Variants in HNRNPD observed in about 807,000 individuals in gnomAD.
The protein encoded by HNRNPD is heterogeneous nuclear ribonucleoprotein D0.
HNRNPD carries 3 observed loss-of-function variants against 47.9 expected under a neutral mutation model. The observed-to-expected ratio is 0.06, with a 90% CI of 0.03 to 0.16. The LOEUF is 0.16. Ranked by LOEUF, HNRNPD falls within the 10% of genes least tolerant of loss-of-function variation. The pLI is 1.00. For synonymous variants in HNRNPD, 171 were observed against 165.1 expected, an observed-to-expected ratio of 1.04 and a Z score of -0.28; for missense variants, 287 against 454.2, an observed-to-expected ratio of 0.63 and a Z score of 3.35.
rs1337842457 is a variant in HNRNPD at position 82,373,565 on chromosome 4, C to CGCT, written c.111_113dup (p.Ala41dup). 5.9e-6 allele frequency: 9 copies of CGCT among 1,537,746 alleles called. No individual in the cohort carries two copies. The highest frequency in any genetic ancestry group is 1.4e-5 in the African/African-American group (1 of 71,444). ...TCCCGGCTCCGCTTCCCGCCGCCGCCGCTGCCCCCTGTGTCGCCGCCACCA... is the reference window on the plus strand; with the variant it reads ...TCCCGGCTCCGCTTCCCGCCGCCGCCGCTGCTGCCCCCTGTGTCGCCGCCACCA... On this transcript the variant is annotated inframe_insertion, in exon 1 of 9. Transcript: ENST00000313899.
chr4:82,356,451 G>A, intron 7 of HNRNPD, 86 bp downstream of exon 7: 1 of 1,084,836 alleles, frequency 9.2e-7, no homozygotes, highest in African/African-American at 1.6e-5. Flanking sequence ...TTTGCACTTG[G>A]CAAGGCTACA....
intron 7 of HNRNPD, chr4:82,355,886 A>T (rs966093073): frequency 6.4e-6 from 1 of 155,668 alleles, no homozygotes; most frequent in Admixed American, 6.4e-5. Context: ...TAACTCCAAG[A>T]ACTGGTCTAA....
intron 2 of HNRNPD, among the ~76,000 whole-genome samples, chr4:82,363,032 A>ATATGTGTGTG (rs1553895786): frequency 2.0e-5 from 3 of 148,932 alleles, no homozygotes; most frequent in African/African-American, 7.5e-5. Flanking sequence ...TTATATATAT[A>ATATGTGTGTG]TGTGTGTGTG....
intron 2 of HNRNPD, among the ~76,000 whole-genome samples, chr4:82,365,224 C>A (rs1009530753): frequency 6.6e-6 from 1 of 152,124 alleles, no homozygotes; most frequent in African/African-American, 2.4e-5. Flanking sequence ...TATGATCTTA[C>A]ATACATGGCT....
At position 82,358,692 on chromosome 4, in the gene HNRNPD, C is replaced by T. The variant is rs1225411316; in HGVS notation, c.588G>A (p.Glu196=). The T allele has an allele frequency of 1.9e-6, 3 of 1,611,198 alleles. No homozygotes were observed. The Admixed American group carries it at 5.0e-5, about 27-fold the overall frequency. Residue 196 remains glutamate, a synonymous_variant, in exon 4 of 9, where the codon GAG becomes GAA. Transcript: ENST00000313899. Reference sequence around the variant, plus strand: ...AACCACCAAAGTACTCCCTTATTTTCTCTTCAGGTGTATCTGGAGAAAGGC... The same window carrying T: ...AACCACCAAAGTACTCCCTTATTTTTTCTTCAGGTGTATCTGGAGAAAGGC... ...VGGLSPDTPE[E]KIREYFGGFG...
rs1723611540 is a variant in HNRNPD at position 82,353,882 on chromosome 4, C to T, written c.*303G>A. Reference sequence around the variant, plus strand: ...CCAGTAAGACACTACTACATCATGACACTGTCACACTGGGCTTTTAACACA... The same window carrying T: ...CCAGTAAGACACTACTACATCATGATACTGTCACACTGGGCTTTTAACACA... On this transcript the variant is annotated 3_prime_UTR_variant, in exon 9 of 9. Transcript: ENST00000313899. 6.6e-6 allele frequency: 1 copy of T among 152,632 alleles called. No homozygotes were observed. Among genetic ancestry groups the T allele is most frequent in the South Asian group, 2.1e-4 (1 of 4,826 alleles). 9.5% of individuals were successfully genotyped at this position (152,632 alleles called of 1,614,324 possible).
At position 82,365,759 on chromosome 4, in the gene HNRNPD, G is replaced by A. The variant is rs891028864; in HGVS notation, c.290+5769C>T. Reference sequence around the variant, plus strand: ...AGCTGAGACTATGGGTGCACACCACGAGGCCCAGCTAATTTTTTTTTTTTT... The same window carrying A: ...AGCTGAGACTATGGGTGCACACCACAAGGCCCAGCTAATTTTTTTTTTTTT... On this transcript the variant is annotated intron_variant, in intron 2 of 8. Transcript: ENST00000313899. 8.7e-5 allele frequency among the ~76,000 whole-genome samples: 13 copies of A among 150,010 alleles called. No homozygotes were observed. The South Asian group carries it at 2.1e-3, about 24-fold the overall frequency.
Position 82,356,648 on chromosome 4 carries a change from A to C in HNRNPD, c.889T>G (p.Tyr297Asp). The stretch of plus-strand genomic sequence containing the variant: ...TAGTTGCCATAGCCTTGATTCCAAT[A>C]GTTACTATATCCCTGGTTCCAGTTT... ...SQNWNQGYSN[Y>D]WNQGYGNYGY... The change falls in exon 7 of 9, where the codon TAT becomes GAT. Residue 297 changes from tyrosine to aspartate, a missense_variant. Tyr to Asp is a radical substitution (Grantham distance 160). Coordinates refer to ENST00000313899, the MANE Select transcript of HNRNPD (RefSeq NM_031370.3). 1 of 1,612,936 alleles carries C rather than the reference A, an allele frequency of 6.2e-7. No individual in the cohort carries two copies. The highest frequency in any genetic ancestry group is 8.5e-7 in the Non-Finnish European group (1 of 1,179,976).
In HNRNPD at chr4:82,373,608, C is replaced by G; in HGVS notation, c.71G>C (p.Gly24Ala). 1.3e-6 allele frequency: 2 copies of G among 1,529,292 alleles called. No homozygotes were observed. Among genetic ancestry groups the G allele is most frequent in the Non-Finnish European group, 1.7e-6 (2 of 1,143,250 alleles). 94.7% of individuals were successfully genotyped at this position (1,529,292 alleles called of 1,614,324 possible). A position where few individuals can be genotyped will look rare whatever the true frequency, so the allele number is the denominator to read the frequency against. Residue 24 changes from glycine to alanine, a missense_variant, in exon 1 of 9, where the codon GGC becomes GCC. By Grantham distance (60) the Gly-to-Ala change is moderately conservative. Coordinates refer to ENST00000313899, the MANE Select transcript of HNRNPD (RefSeq NM_031370.3). ...CGCCACCATGGCTCCCTCCTGCTCG[C>G]CCGCCGAGCCGCCTACCGCCGCCGT... Reference protein sequence around the residue: ...AATAAVGGSAGEQEGAMVAAT... With the variant: ...AATAAVGGSAAEQEGAMVAAT...
chr4:82,370,424 T>G (rs1305184730), intron 2 of HNRNPD, among the ~76,000 whole-genome samples: 1 of 152,208 alleles, frequency 6.6e-6, no homozygotes, highest in East Asian at 1.9e-4. Flanking sequence ...AGTTTATAGT[T>G]TAATCTTAAT....
At chr4:82,371,650 G>A in intron 1 of HNRNPD, 66 bp from the exon 2 acceptor site, 2 of 1,304,412 alleles carry the variant, frequency 1.5e-6, no homozygotes, top group Non-Finnish European at 2.2e-6. Flanking sequence ...ACACTGTTAG[G>A]GTTAAAAACT....
At chr4:82,362,456 T>G (rs1014420663) in intron 2 of HNRNPD, among the ~76,000 whole-genome samples, 3 of 151,434 alleles carry the variant, frequency 2.0e-5, no homozygotes, top group Admixed American at 1.3e-4. Context: ...CAAAAAAGGT[T>G]GTTGTTCTCA....
intron 2 of HNRNPD, among the ~76,000 whole-genome samples, chr4:82,366,029 G>T (rs1035333119): frequency 7.9e-5 from 12 of 151,980 alleles, no homozygotes; most frequent in African/African-American, 2.7e-4. Context: ...CATCATTAAA[G>T]AATAGGTATT....
chr4:82,364,085 T>TC (rs1178552601), intron 2 of HNRNPD, among the ~76,000 whole-genome samples: 1 of 152,054 alleles, frequency 6.6e-6, no homozygotes, highest in Non-Finnish European at 1.5e-5. Flanking sequence ...CAGTTGGTCC[T>TC]CCCACCTCAG....
At chr4:82,355,976 C>T (rs976546447) in intron 7 of HNRNPD, 2 of 153,400 alleles carry the variant, frequency 1.3e-5, no homozygotes, top group Non-Finnish European at 2.9e-5. Flanking sequence ...AAGATTGCTT[C>T]TAGTAGAACC....
Position 82,373,700 on chromosome 4 carries a change from GC to G in HNRNPD, c.-23del. The G allele has an allele frequency of 2.7e-6, 4 of 1,479,954 alleles. No individual in the cohort carries two copies. The highest frequency in any genetic ancestry group is 3.6e-6 in the Non-Finnish European group (4 of 1,119,962). The allele number at this position is 1,479,954 out of a possible 1,614,324, so 91.7% of individuals were successfully genotyped here. The stretch of plus-strand genomic sequence containing the variant: ...ACATAGTGCTAGTGTCTCCGCCGCT[GC>G]CGCCGAGACTACACCCGCCGCTGCC... On this transcript the variant is annotated 5_prime_UTR_variant, in exon 1 of 9. Transcript: ENST00000313899.
intron 2 of HNRNPD, among the ~76,000 whole-genome samples, chr4:82,371,210 TAAAATAAATC>T (rs1720030479): frequency 9.8e-6 from 1 of 101,900 alleles, no homozygotes; most frequent in Non-Finnish European, 2.5e-5. Context: ...TTTTTCATCT[TAAAATAAATC>T]AAATGTGAAG....
In HNRNPD at chr4:82,354,149, C is replaced by T. The variant is rs183500672; in HGVS notation, c.*36G>A. 1 of 152,670 alleles carries T rather than the reference C, an allele frequency of 6.6e-6. No individual in the cohort carries two copies. The highest frequency in any genetic ancestry group is 1.9e-4 in the East Asian group (1 of 5,180). 9.5% of individuals were successfully genotyped at this position (152,670 alleles called of 1,614,324 possible). A position where few individuals can be genotyped will look rare whatever the true frequency, so the allele number is the denominator to read the frequency against. On this transcript the variant is annotated 3_prime_UTR_variant, in exon 9 of 9. Transcript: ENST00000313899. ...ATCTTCAAATTGGAAAATACTGCTT[C>T]ACCACCTGGAGACAAAGAAGAAAAA... is the stretch of plus-strand genomic sequence containing the variant.
At chr4:82,372,427 A>T (rs937060547) in intron 1 of HNRNPD, among the ~76,000 whole-genome samples, 6 of 152,204 alleles carry the variant, frequency 3.9e-5, no homozygotes, top group African/African-American at 1.4e-4. Flanking sequence ...ATAGCACAAT[A>T]CAGGATTTGT....
Sources: gnomAD v4.1 joint callset for allele counts (sites outside exome capture counted in the v4.1 genomes callset) on GRCh38, gnomAD v4.1.1 for gene constraint, MANE v1.5 for transcripts, NCBI Gene and HGNC (gene_info 2026-07-23, HGNC 2026-07-21) for gene names.